DAB2IP: variants seen among roughly 807,000 people sequenced by gnomAD.
DAB2IP encodes DAB2 interacting protein, also known as disabled homolog 2-interacting protein.
A neutral mutation model predicts 107.2 loss-of-function variants in DAB2IP; 28 were observed. The ratio of observed to expected loss-of-function variants is 0.26; its 90% CI spans 0.19 to 0.36. The LOEUF (loss-of-function observed/expected upper bound fraction) is 0.36, where lower values mean the gene tolerates loss of function less well. DAB2IP is among the 10% of genes least tolerant of loss of function. The probability of loss-of-function intolerance (pLI) is 1.00; values close to 1 mark genes in which losing one functional copy is unlikely to be tolerated. For missense variants in DAB2IP, 1,400 were observed against 1,644.7 expected (o/e 0.85, Z 2.57); for synonymous variants, 755 against 706.4 (o/e 1.07, Z -1.09).
chr9:121,779,938 C>T lies in DAB2IP; in HGVS notation c.3315-1526C>T, dbSNP rs183143200. On this transcript the variant is annotated intron_variant, in intron 14 of 15. Transcript: ENST00000408936. ...CTCAACTCAGTGAGGCTGCTGACTCCGCCTTCCCTCTGCTTCCAGGCCGTT... is the reference window on the plus strand; with the variant it reads ...CTCAACTCAGTGAGGCTGCTGACTCTGCCTTCCCTCTGCTTCCAGGCCGTT... Among the ~76,000 whole-genome samples, 32 of 152,362 alleles carry T rather than the reference C, an allele frequency of 2.1e-4. No homozygotes were observed. The East Asian group carries it at 3.9e-3, about 18-fold the overall frequency.
rs1834291182 is a variant in DAB2IP at position 121,766,490 on chromosome 9, A to G, written c.1461-4A>G. 6.2e-7 allele frequency: 1 copy of G among 1,604,080 alleles called. No individual in the cohort carries two copies. On this transcript the variant is annotated splice_polypyrimidine_tract_variant and splice_region_variant and intron_variant, in intron 8 of 15. Coordinates refer to ENST00000408936, the Ensembl canonical transcript of DAB2IP. ...CAAGCCCACCTTTGTCTGTCCCTAC[A>G]CAGTGTCTTCCCACGGGAGTTGAAA...
Position 121,599,211 on chromosome 9 carries a change from C to G in DAB2IP, c.40+31983C>G, listed in dbSNP as rs1442967174. On this transcript the variant is annotated intron_variant, in intron 1 of 16. Coordinates refer to the DAB2IP transcript ENST00000259371. This position sits in a 1 kb window ranked among gnomAD's most constrained non-coding sequence, Gnocchi z 6.9. ...CGCGGCCCACTCCTCGGTCCCGTAC[C>G]CTCATAGCGCCGAAACGGAAGCAGA... Among the ~76,000 whole-genome samples the G allele has an allele frequency of 6.6e-6, 1 of 152,146 alleles. No individual in the cohort carries two copies. The highest frequency in any genetic ancestry group is 1.5e-5 in the Non-Finnish European group (1 of 68,028).
Position 121,634,001 on chromosome 9 carries a change from T to TG in DAB2IP, c.41-44675dup, listed in dbSNP as rs1831988486. 6.6e-6 allele frequency among the ~76,000 whole-genome samples: 1 copy of TG among 152,168 alleles called. No homozygotes were observed. The highest frequency in any genetic ancestry group is 1.5e-5 in the Non-Finnish European group (1 of 68,030). ...TCAAAATTAGTTACTTCCTCCCTTG[T>TG]GGTCCCTCTGCCTTGGGCCCTTGTT... On this transcript the variant is annotated intron_variant, in intron 1 of 16. Coordinates refer to the DAB2IP transcript ENST00000259371. This position sits in a 1 kb window ranked among gnomAD's most constrained non-coding sequence, Gnocchi z 4.7.
intron 2 of DAB2IP, among the ~76,000 whole-genome samples, chr9:121,687,772 G>A (rs1266599092): frequency 6.6e-6 from 1 of 152,210 alleles, no homozygotes; most frequent in Admixed American, 6.5e-5. Flanking sequence ...GGCAGATGGG[G>A]AGTGAAGAGA....
Position 121,768,167 on chromosome 9 carries a change from G to A in DAB2IP, c.1698-265G>A, listed in dbSNP as rs139008772. On this transcript the variant is annotated intron_variant, in intron 9 of 15. Coordinates refer to ENST00000408936, the Ensembl canonical transcript of DAB2IP. Reference sequence around the variant, plus strand: ...GGCAGTGAAACTTGGAGGAAAAGCCGAAGGACACTGTTAACAGGCAGTGTA... The same window carrying A: ...GGCAGTGAAACTTGGAGGAAAAGCCAAAGGACACTGTTAACAGGCAGTGTA... 2.3e-3 allele frequency among the ~76,000 whole-genome samples: 351 copies of A among 152,308 alleles called. 1 individual carries two copies. Among genetic ancestry groups the A allele is most frequent in the African/African-American group, 5.8e-3 (239 of 41,564 alleles).
intron 1 of DAB2IP, among the ~76,000 whole-genome samples, chr9:121,640,397 A>G (rs1399891156): frequency 6.6e-6 from 1 of 152,174 alleles, no homozygotes; most frequent in Non-Finnish European, 1.5e-5. Flanking sequence ...CCAGGAGGAC[A>G]CAAGAAATGC....
upstream of DAB2IP, among the ~76,000 whole-genome samples, chr9:121,646,916 C>G (rs577504719): frequency 1.3e-5 from 2 of 152,220 alleles, no homozygotes; most frequent in Non-Finnish European, 2.9e-5. Context: ...TACCCTCTCT[C>G]TGCCTCTTGA....
At chr9:121,616,482 C>T (rs1381608247) in intron 1 of DAB2IP, among the ~76,000 whole-genome samples, 1 of 152,156 alleles carries the variant, frequency 6.6e-6, no homozygotes. Context: ...CCCACATAGG[C>T]GTTTTTAAAG....
chr9:121,624,713 G>C (rs1831581507), intron 1 of DAB2IP, among the ~76,000 whole-genome samples: 1 of 152,132 alleles, frequency 6.6e-6, no homozygotes, highest in African/African-American at 2.4e-5. Flanking sequence ...CACCATCTAG[G>C]TTTGTGCAAG....
At chr9:121,769,354 TAAGCGCACACACACATGC>T (rs1046899114) in intron 10 of DAB2IP, among the ~76,000 whole-genome samples, 118 of 152,358 alleles carry the variant, frequency 7.7e-4, no homozygotes, top group African/African-American at 2.5e-3. Context: ...TGTGCATGTG[TAAGCGCACACACACATGC>T]AGGCGCACAC....
In DAB2IP at chr9:121,583,905, G is replaced by A. The variant is rs114676286; in HGVS notation, c.40+16677G>A. Among the ~76,000 whole-genome samples, 747 of 152,290 alleles carry A rather than the reference G, an allele frequency of 4.9e-3. 11 individuals carry two copies. The highest frequency in any genetic ancestry group is 0.017 in the African/African-American group (703 of 41,558). ...TAGAATACAAACATTGACGTCAGGC[G>A]TGGTGGCTCATGCCTGTAATCCCAG... On this transcript the variant is annotated intron_variant, in intron 1 of 16. Coordinates refer to the DAB2IP transcript ENST00000259371.
intron 1 of DAB2IP, among the ~76,000 whole-genome samples, chr9:121,632,013 ATG>A (rs1831908037): frequency 6.6e-6 from 1 of 151,842 alleles, no homozygotes; most frequent in Non-Finnish European, 1.5e-5. Context: ...CTGATGGGGA[ATG>A]TGGAGAGCTG....
intron 2 of DAB2IP, among the ~76,000 whole-genome samples, chr9:121,679,413 TACAC>T (rs3138857): frequency 0.065 from 8,840 of 135,474 alleles, 260 homozygotes; most frequent in Non-Finnish European, 0.075. Context: ...TTTGTGCATG[TACAC>T]ACACACACAC....
At chr9:121,770,843 A>G in intron 11 of DAB2IP, 119 bp downstream of exon 11, 2 of 1,358,482 alleles carry the variant, frequency 1.5e-6, no homozygotes, top group Admixed American at 2.4e-5. Context: ...CAAGCCTGGC[A>G]AGACTTGAGT....
chr9:121,645,009 G>T (rs1267656500), intron 1 of DAB2IP, among the ~76,000 whole-genome samples: 1 of 152,202 alleles, frequency 6.6e-6, no homozygotes, highest in South Asian at 2.1e-4. Flanking sequence ...GAAGGGAGGG[G>T]GCTCCCTGAC....
In DAB2IP at chr9:121,699,333, C is replaced by T. The variant is rs368760660; in HGVS notation, c.237C>T (p.Leu79=). The T allele has an allele frequency of 4.7e-5, 69 of 1,457,144 alleles. No homozygotes were observed. Among genetic ancestry groups the T allele is most frequent in the African/African-American group, 7.4e-5 (5 of 67,612 alleles). The allele number at this position is 1,457,144 out of a possible 1,614,324, so 90.3% of individuals were successfully genotyped here. Residue 79 remains leucine (L), a synonymous_variant, in exon 3 of 16, where the codon CTC becomes CTT. Coordinates refer to ENST00000408936, the Ensembl canonical transcript of DAB2IP. The surrounding 1 kb of genome is among the most constrained non-coding windows in gnomAD (Gnocchi z 6.2). ...TGTCCCCCCGTGCGCAGGGCTTCCT[C>T]AGCCGCCGCCTCAAGGGCTCCATCA...
At position 121,634,692 on chromosome 9, in the gene DAB2IP, G is replaced by A. The variant is rs962977319; in HGVS notation, c.41-43986G>A. The stretch of plus-strand genomic sequence containing the variant: ...ACCTTTCTCTGGGGAGAGCACTTCC[G>A]GGAGATGTAACTGGGTAGCCTACCC... On this transcript the variant is annotated intron_variant, in intron 1 of 16. Transcript: ENST00000259371. The surrounding 1 kb of genome is among the most constrained non-coding windows in gnomAD (Gnocchi z 4.7). Among the ~76,000 whole-genome samples, 1 of 152,190 alleles carries A rather than the reference G, an allele frequency of 6.6e-6. No individual in the cohort carries two copies. Among genetic ancestry groups the A allele is most frequent in the African/African-American group, 2.4e-5 (1 of 41,438 alleles).
intron 3 of DAB2IP, among the ~76,000 whole-genome samples, chr9:121,710,342 G>C (rs971558114): frequency 2.0e-5 from 3 of 152,214 alleles, no homozygotes; most frequent in African/African-American, 7.2e-5. Context: ...TCTGCTGGGG[G>C]CTGCTGTGGG....
chr9:121,658,109 G>A (rs1833044728), intron 1 of DAB2IP, among the ~76,000 whole-genome samples: 1 of 152,144 alleles, frequency 6.6e-6, no homozygotes, highest in African/African-American at 2.4e-5. Context: ...AGAGAATGGC[G>A]ATTCAACTCC....
Sources: gnomAD v4.1 joint callset for allele counts (sites outside exome capture counted in the v4.1 genomes callset) on GRCh38, gnomAD v4.1.1 for gene constraint, Gnocchi (gnomAD v3.1) non-coding constraint, MANE v1.5 for transcripts, NCBI Gene and HGNC (gene_info 2026-07-23, HGNC 2026-07-21) for gene names.